The following NUTM2A variants were observed in gnomAD, a reference collection of about 807,000 sequenced individuals.
The protein encoded by NUTM2A is NUT family member 2A.
In NUTM2A, 3 loss-of-function variants were observed where a neutral mutation model predicts 24.4. The ratio of observed to expected loss-of-function variants is 0.12; its 90% CI spans 0.06 to 0.32. The LOEUF is 0.32. Ranked by LOEUF, NUTM2A falls within the 10% of genes least tolerant of loss-of-function variation. The probability of loss-of-function intolerance (pLI) is 1.00; values close to 1 mark genes in which losing one functional copy is unlikely to be tolerated. For synonymous variants in NUTM2A, 11 were observed against 278.4 expected (o/e 0.04, Z 9.56); for missense variants, 39 against 631.1 (o/e 0.06, Z 10.05).
chr10:87,229,538 C>T (rs1393011996), intron 2 of NUTM2A, among the ~76,000 whole-genome samples: 16 of 152,242 alleles, frequency 1.1e-4, no homozygotes, highest in Non-Finnish European at 1.5e-5. Flanking sequence ...GACAATGATG[C>T]TTCATTCAGA....
chr10:87,229,187 C>T, intron 2 of NUTM2A, among the ~76,000 whole-genome samples: 1 of 152,174 alleles, frequency 6.6e-6, no homozygotes, highest in Non-Finnish European at 1.5e-5. Context: ...TGAGTCCAGC[C>T]AATCCTTACT....
At chr10:87,233,055 GCT>G in intron 5 of NUTM2A, 70 bp downstream of exon 5, 2 of 1,188,796 alleles carry the variant, frequency 1.7e-6, no homozygotes, top group Non-Finnish European at 2.4e-6. Flanking sequence ...TTGGAATTAA[GCT>G]CTGTTCCTTA....
intron 2 of NUTM2A, among the ~76,000 whole-genome samples, chr10:87,229,703 C>T (rs1357733534): frequency 6.6e-6 from 1 of 151,850 alleles, no homozygotes; most frequent in East Asian, 1.9e-4. Context: ...CCCAAAGCCA[C>T]GGGCTCCAGT....
At chr10:87,229,428 G>A (rs1187588333) in intron 2 of NUTM2A, among the ~76,000 whole-genome samples, 7 of 152,238 alleles carry the variant, frequency 4.6e-5, no homozygotes, top group South Asian at 2.1e-4. Flanking sequence ...TTAGCACAGC[G>A]GTGGTGGAGC....
chr10:87,229,689 A>G (rs1488873967), intron 2 of NUTM2A, among the ~76,000 whole-genome samples: 3 of 151,774 alleles, frequency 2.0e-5, no homozygotes, highest in Non-Finnish European at 4.4e-5. Context: ...CTAGGAGAGC[A>G]CTCCCCAAAG....
intron 2 of NUTM2A, 86 bp downstream of exon 2, chr10:87,229,048 G>C: frequency 1.9e-6 from 2 of 1,063,094 alleles, no homozygotes; most frequent in Non-Finnish European, 2.9e-6. Context: ...GCTGTTCAGG[G>C]GAGCTTGCAG....
chr10:87,229,453 G>C (rs1478322267), intron 2 of NUTM2A, among the ~76,000 whole-genome samples: 1 of 152,240 alleles, frequency 6.6e-6, no homozygotes, highest in African/African-American at 2.4e-5. Context: ...ACAGGGGGAT[G>C]GTCTTGGGCC....
chr10:87,229,356 G>A lies in NUTM2A; in HGVS notation c.1082+394G>A, dbSNP rs11202396. Among the ~76,000 whole-genome samples, 348 of 152,338 alleles carry A rather than the reference G, an allele frequency of 2.3e-3. 6 individuals carry two copies. Among genetic ancestry groups the A allele is most frequent in the Non-Finnish European group, 4.3e-3 (291 of 68,018 alleles). ...CCAGGAGCACCTCACATGGGGCCGG[G>A]GGGAGGAGCTGCAGGACCCAGCAGG... On this transcript the variant is annotated intron_variant, in intron 2 of 6. Transcript: ENST00000381707.
At chr10:87,229,606 C>T (rs1374317644) in intron 2 of NUTM2A, among the ~76,000 whole-genome samples, 1 of 152,222 alleles carries the variant, frequency 6.6e-6, no homozygotes, top group East Asian at 1.9e-4. Context: ...GTGCCTGGCA[C>T]ATGCTATGAC....
At chr10:87,229,549 G>C (rs1377908703) in intron 2 of NUTM2A, among the ~76,000 whole-genome samples, 1 of 152,242 alleles carries the variant, frequency 6.6e-6, no homozygotes, top group Non-Finnish European at 1.5e-5. Context: ...TTCATTCAGA[G>C]GATGGTGAAG....
rs1849347716 is a variant in NUTM2A at position 87,228,892 on chromosome 10, C to T, written c.1012C>T (p.His338Tyr). The T allele has an allele frequency of 8.5e-7, 1 of 1,177,356 alleles. No homozygotes were observed. The highest frequency in any genetic ancestry group is 1.2e-6 in the Non-Finnish European group (1 of 808,682). 72.9% of individuals were successfully genotyped at this position (1,177,356 alleles called of 1,614,324 possible). A position where few individuals can be genotyped will look rare whatever the true frequency, so the allele number is the denominator to read the frequency against. ...SVYENFRLWQ[H>Y]YKPLARRHLP... is the part of the protein sequence containing the mutation. ...CTATGAGAACTTCCGACTCTGGCAG[C>T]ACTACAAGCCCCTGGCCCGGAGGCA... is the stretch of plus-strand genomic sequence containing the variant. The change falls in exon 2 of 7, where the codon CAC becomes TAC. Residue 338 changes from histidine to tyrosine, a missense_variant. Coordinates refer to ENST00000381707, the MANE Select transcript of NUTM2A (RefSeq NM_001099338.2).
At position 87,233,096 on chromosome 10, in the gene NUTM2A, G is replaced by T; in HGVS notation, c.1734+111G>T. 4 of 993,804 alleles carry T rather than the reference G, an allele frequency of 4.0e-6. 1 individual carries two copies. Among genetic ancestry groups the T allele is most frequent in the Non-Finnish European group, 5.6e-6 (4 of 711,358 alleles). The allele number at this position is 993,804 out of a possible 1,614,324, so 61.6% of individuals were successfully genotyped here. A position where few individuals can be genotyped will look rare whatever the true frequency, so the allele number is the denominator to read the frequency against. On this transcript the variant is annotated intron_variant, in intron 5 of 6. Coordinates refer to ENST00000381707, the MANE Select transcript of NUTM2A (RefSeq NM_001099338.2). ...ACTCAGCAGTGTGTGTATTTCCATG[G>T]ATTTGAGTATCTGTGTATGTGATTG...
chr10:87,229,226 G>A (rs1364185580), intron 2 of NUTM2A, among the ~76,000 whole-genome samples: 1 of 152,168 alleles, frequency 6.6e-6, no homozygotes, highest in Non-Finnish European at 1.5e-5. Flanking sequence ...AATGTTTACA[G>A]AAGACCCAGG....
At chr10:87,229,030 G>A in intron 2 of NUTM2A, 68 bp downstream of exon 2, 1 of 661,274 alleles carries the variant, frequency 1.5e-6, no homozygotes, top group Non-Finnish European at 2.7e-6. Flanking sequence ...GGATGGACGG[G>A]AGGTCACGCT....
chr10:87,233,103 G>A lies in NUTM2A; in HGVS notation c.1734+118G>A. ...AGTGTGTGTATTTCCATGGATTTGA[G>A]TATCTGTGTATGTGATTGTGTGTGT... On this transcript the variant is annotated intron_variant, in intron 5 of 6. Coordinates refer to ENST00000381707, the MANE Select transcript of NUTM2A (RefSeq NM_001099338.2). The A allele has an allele frequency of 5.0e-6, 5 of 1,006,526 alleles. 1 individual carries two copies. The highest frequency in any genetic ancestry group is 6.9e-6 in the Non-Finnish European group (5 of 723,438). The allele number at this position is 1,006,526 out of a possible 1,614,324, so 62.3% of individuals were successfully genotyped here. A position where few individuals can be genotyped will look rare whatever the true frequency, so the allele number is the denominator to read the frequency against.
intron 2 of NUTM2A, 77 bp downstream of exon 2, chr10:87,229,039 C>G: frequency 1.2e-6 from 1 of 806,244 alleles, no homozygotes; most frequent in Non-Finnish European, 2.1e-6. Context: ...GGAGGTCACG[C>G]TGTTCAGGGG....
chr10:87,229,477 G>C (rs1411618581), intron 2 of NUTM2A, among the ~76,000 whole-genome samples: 1 of 152,230 alleles, frequency 6.6e-6, no homozygotes, highest in African/African-American at 2.4e-5. Flanking sequence ...CACTGGGGCC[G>C]ATGCCGAGCA....
At chr10:87,229,215 C>T (rs1228592067) in intron 2 of NUTM2A, among the ~76,000 whole-genome samples, 1 of 152,202 alleles carries the variant, frequency 6.6e-6, no homozygotes, top group Non-Finnish European at 1.5e-5. Context: ...ATTTTCACAA[C>T]AATGTTTACA....
At chr10:87,233,646 C>T in intron 6 of NUTM2A, 57 bp downstream of exon 6, 1 of 532,772 alleles carries the variant, frequency 1.9e-6, no homozygotes, top group South Asian at 2.4e-5. Flanking sequence ...GTCTAATCCC[C>T]CCTGCTGGGG....
Sources: allele counts gnomAD v4.1 joint callset (sites outside exome capture counted in the v4.1 genomes callset), GRCh38; gene constraint gnomAD v4.1.1; transcripts MANE v1.5; gene names NCBI Gene and HGNC (gene_info 2026-07-23, HGNC 2026-07-21).